Variants in HDLBP observed in about 807,000 individuals in gnomAD.
HDLBP encodes vigilin.
HDLBP carries 30 observed loss-of-function variants against 137.3 expected under a neutral mutation model. The ratio of observed to expected loss-of-function variants is 0.22; its 90% confidence interval spans 0.16 to 0.30. The LOEUF is 0.30. Among genes scored for constraint, HDLBP ranks in the 10% least tolerant of loss-of-function variants. The pLI is 1.00. For missense variants in HDLBP, 1,119 were observed against 1,667.3 expected (o/e 0.67, Z 5.73); for synonymous variants, 606 against 596.0 (o/e 1.02, Z -0.24).
intron 5 of HDLBP, among the ~76,000 whole-genome samples, chr2:241,262,094 A>G (rs1487325781): frequency 2.6e-5 from 4 of 152,264 alleles, no homozygotes; most frequent in Non-Finnish European, 5.9e-5. Flanking sequence ...GTTCTTAAAT[A>G]AAGTCCAAGT....
At chr2:241,278,933 G>A (rs1463360033) in intron 1 of HDLBP, among the ~76,000 whole-genome samples, 4 of 152,274 alleles carry the variant, frequency 2.6e-5, no homozygotes, top group East Asian at 1.9e-4. Flanking sequence ...GCTGAGACAC[G>A]AGAATCGCTT....
intron 21 of HDLBP, among the ~76,000 whole-genome samples, chr2:241,235,802 C>T (rs1213093509): frequency 6.6e-6 from 1 of 152,192 alleles, no homozygotes; most frequent in African/African-American, 2.4e-5. Flanking sequence ...ACAGAAATTC[C>T]AGACCCTTCA....
chr2:241,231,774 G>A (rs2149323688), intron 24 of HDLBP, among the ~76,000 whole-genome samples: 1 of 152,228 alleles, frequency 6.6e-6, no homozygotes, highest in Admixed American at 6.5e-5. Context: ...AGCAGACCAA[G>A]CAGACAGTTC....
intron 1 of HDLBP, among the ~76,000 whole-genome samples, chr2:241,307,826 G>A (rs1028020357): frequency 2.6e-5 from 4 of 151,538 alleles, no homozygotes; most frequent in Non-Finnish European, 5.9e-5. Context: ...ATGTTGAGTG[G>A]AGTAAACATA....
At chr2:241,231,116 G>C in intron 24 of HDLBP, 172 bp from the exon 25 acceptor site, 1 of 607,034 alleles carries the variant, frequency 1.6e-6, no homozygotes, top group East Asian at 2.9e-5. Flanking sequence ...CGGGCACGGT[G>C]GCTCACGCCT....
intron 1 of HDLBP, among the ~76,000 whole-genome samples, chr2:241,281,102 T>A (rs1222189589): frequency 1.3e-5 from 2 of 152,214 alleles, no homozygotes; most frequent in Admixed American, 1.3e-4. Context: ...ACGCCTGTAA[T>A]CCCAGCACTT....
intron 1 of HDLBP, among the ~76,000 whole-genome samples, chr2:241,311,533 G>A (rs957653258): frequency 6.6e-6 from 1 of 152,178 alleles, no homozygotes; most frequent in African/African-American, 2.4e-5. Context: ...TGGAGGCGCT[G>A]GGAGAGATTT....
At chr2:241,287,994 G>T (rs2074886171) in intron 1 of HDLBP, among the ~76,000 whole-genome samples, 1 of 152,202 alleles carries the variant, frequency 6.6e-6, no homozygotes, top group Non-Finnish European at 1.5e-5. Context: ...CCCCCAAAGT[G>T]TGTTTTAATA....
At chr2:241,231,392 A>G (rs1276319818) in intron 24 of HDLBP, 2 of 152,868 alleles carry the variant, frequency 1.3e-5, no homozygotes, top group South Asian at 4.1e-4. Flanking sequence ...TCAAAAAAAA[A>G]AAAACAAAAA....
rs372787598 is a variant in HDLBP at position 241,264,520 on chromosome 2, C to T, written c.162G>A (p.Leu54=). The change falls in exon 4 of 28, where the codon CTG becomes CTA. Residue 54 remains leucine (L), a synonymous_variant. Transcript: ENST00000310931. Reference sequence around the variant, plus strand: ...CTCCAGCGGGTTCCTGGGCACTTTCCAGGCAAGCAGCTTTCTCAGGAAGTG... The same window carrying T: ...CTCCAGCGGGTTCCTGGGCACTTTCTAGGCAAGCAGCTTTCTCAGGAAGTG... ...FPPLPEKAAC[L]ESAQEPAGAW... 9.9e-6 allele frequency: 16 copies of T among 1,613,716 alleles called. No homozygotes were observed. The highest frequency in any genetic ancestry group is 1.4e-5 in the Non-Finnish European group (16 of 1,179,856).
chr2:241,238,572 A>G lies in HDLBP; in HGVS notation c.2749+77T>C, dbSNP rs1219576514. 1 of 1,141,590 alleles carries G rather than the reference A, an allele frequency of 8.8e-7. No individual in the cohort carries two copies. The highest frequency in any genetic ancestry group is 1.6e-5 in the African/African-American group (1 of 63,650). 70.7% of individuals were successfully genotyped at this position (1,141,590 alleles called of 1,614,324 possible). ...AGCAGAGACAGGAAAGAGCCTCACC[A>G]GTATGTGCGACAGCCCCGCCTCTCA... On this transcript the variant is annotated intron_variant, in intron 20 of 27. Transcript: ENST00000310931. The surrounding 1 kb of genome is among the most constrained non-coding windows in gnomAD (Gnocchi z 4.9).
chr2:241,310,932 TAGAG>T (rs935481688), intron 1 of HDLBP, among the ~76,000 whole-genome samples: 3 of 151,972 alleles, frequency 2.0e-5, no homozygotes, highest in Non-Finnish European at 2.9e-5. Context: ...CTGGGCAACA[TAGAG>T]AGCTCATGTC....
rs1478583172 is a variant in HDLBP, at chr2:241,239,811, C to A, written c.2401G>T (p.Val801Leu). ...EALIQNLDNV[V>L]EDSMLVDPKH... ...GGGTCCACCAGCATGGAGTCTTCCA[C>A]CACATTATCCTGCAGTGTTAAGAAG... The change falls in exon 19 of 28, where the codon GTG becomes TTG. Residue 801 changes from valine (V) to leucine (L), a missense_variant. Val to Leu is a conservative substitution (Grantham distance 32). This residue lies in a region of HDLBP where 618 missense variants were observed against 816.7 expected (regional missense o/e 0.76). Coordinates refer to ENST00000310931, the MANE Select transcript of HDLBP (RefSeq NM_005336.6). This position sits in a 1 kb window ranked among gnomAD's most constrained non-coding sequence, Gnocchi z 4.6. 1 of 1,613,650 alleles carries A rather than the reference C, an allele frequency of 6.2e-7. No homozygotes were observed. The highest frequency in any genetic ancestry group is 1.7e-5 in the Admixed American group (1 of 60,016).
chr2:241,238,791 G>A lies in HDLBP; in HGVS notation c.2611-4C>T, dbSNP rs779796638. 3 of 1,490,208 alleles carry A rather than the reference G, an allele frequency of 2.0e-6. No individual in the cohort carries two copies. The highest frequency in any genetic ancestry group is 2.8e-5 in the African/African-American group (2 of 70,968). 92.3% of individuals were successfully genotyped at this position (1,490,208 alleles called of 1,614,324 possible). On this transcript the variant is annotated splice_polypyrimidine_tract_variant and splice_region_variant and intron_variant, in intron 19 of 27. Transcript: ENST00000310931. The surrounding 1 kb of genome is among the most constrained non-coding windows in gnomAD (Gnocchi z 4.9). Reference sequence around the variant, plus strand: ...ATTCTAATGTCACCTGAGCTTCCTGGAGGGAGGTACACAAAGAAAAAAGAA... The same window carrying A: ...ATTCTAATGTCACCTGAGCTTCCTGAAGGGAGGTACACAAAGAAAAAAGAA...
At chr2:241,289,900 G>A (rs567641800) in intron 1 of HDLBP, among the ~76,000 whole-genome samples, 12 of 152,228 alleles carry the variant, frequency 7.9e-5, no homozygotes, top group African/African-American at 1.9e-4. Flanking sequence ...GCTACTGCAC[G>A]TGTGGGATGA....
At chr2:241,284,713 A>C (rs1231773565) in intron 1 of HDLBP, among the ~76,000 whole-genome samples, 2 of 152,298 alleles carry the variant, frequency 1.3e-5, no homozygotes, top group South Asian at 2.1e-4. Context: ...AATGCAGTAA[A>C]CTTCATTGTT....
At position 241,237,315 on chromosome 2, in the gene HDLBP, G is replaced by A. The variant is rs118111018; in HGVS notation, c.2750-546C>T. 7.9e-5 allele frequency among the ~76,000 whole-genome samples: 12 copies of A among 152,334 alleles called. No individual in the cohort carries two copies. The East Asian group carries it at 1.9e-3, about 25-fold the overall frequency. ...GCCAGAAAGCGAGAGCCCCAGAAGTGAAGAGGCGTGTGAACAGGACACAGA... is the reference window on the plus strand; with the variant it reads ...GCCAGAAAGCGAGAGCCCCAGAAGTAAAGAGGCGTGTGAACAGGACACAGA... On this transcript the variant is annotated intron_variant, in intron 20 of 27. Coordinates refer to ENST00000310931, the MANE Select transcript of HDLBP (RefSeq NM_005336.6).
intron 1 of HDLBP, chr2:241,273,329 T>TGTA: frequency 1.3e-6 from 1 of 771,318 alleles, no homozygotes; most frequent in Non-Finnish European, 1.6e-6. Flanking sequence ...CCCCACCCGA[T>TGTA]TCCTTGGCAA....
Position 241,238,910 on chromosome 2 carries a change from C to T in HDLBP, c.2611-123G>A. 1.4e-6 allele frequency: 1 copy of T among 737,462 alleles called. No homozygotes were observed. The highest frequency in any genetic ancestry group is 2.9e-5 in the East Asian group (1 of 34,922). The allele number at this position is 737,462 out of a possible 1,614,324, so 45.7% of individuals were successfully genotyped here. A position where few individuals can be genotyped will look rare whatever the true frequency, so the allele number is the denominator to read the frequency against. On this transcript the variant is annotated intron_variant, in intron 19 of 27. Coordinates refer to ENST00000310931, the MANE Select transcript of HDLBP (RefSeq NM_005336.6). This position sits in a 1 kb window ranked among gnomAD's most constrained non-coding sequence, Gnocchi z 4.9. ...CTACAGCCACTTGGCACAGATGCTC[C>T]CCTTCTCCCGAGTCCAGGGCTCCAG...
Sources: gnomAD v4.1 joint callset for allele counts (sites outside exome capture counted in the v4.1 genomes callset) on GRCh38, gnomAD v4.1.1 for gene constraint, gnomAD v4.1.1 regional missense constraint, Gnocchi (gnomAD v3.1) non-coding constraint, MANE v1.5 for transcripts, NCBI Gene and HGNC (gene_info 2026-07-23, HGNC 2026-07-21) for gene names.